Variants in RMDN2 observed in about 807,000 individuals in gnomAD.
RMDN2 encodes regulator of microtubule dynamics protein 2.
In RMDN2, 61 loss-of-function variants were observed where a neutral mutation model predicts 52.8. That is an observed-to-expected ratio of 1.16 (90% confidence interval 0.94 to 1.43). The LOEUF (loss-of-function observed/expected upper bound fraction) is 1.43, where lower values mean the gene tolerates loss of function less well. RMDN2 is among the 40% of genes most tolerant of loss of function. The pLI is 0.00. For synonymous variants in RMDN2, 180 were observed against 153.1 expected (o/e 1.18, Z -1.30); for missense variants, 592 against 475.3 (o/e 1.25, Z -2.28).
chr2:37,975,744 A>C (rs1008412779), intron 4 of RMDN2, among the ~76,000 whole-genome samples: 6 of 152,250 alleles, frequency 3.9e-5, no homozygotes, highest in Non-Finnish European at 7.3e-5. Context: ...TGTTAACTAA[A>C]GCTAAATTAT....
intron 2 of RMDN2, among the ~76,000 whole-genome samples, chr2:37,948,022 T>C (rs1572743837): frequency 6.6e-6 from 1 of 152,166 alleles, no homozygotes; most frequent in Non-Finnish European, 1.5e-5. Flanking sequence ...TGCTGTGAGG[T>C]ACCTCAGAAG....
At chr2:38,030,060 G>A (rs336040) in intron 10 of RMDN2, 103,883 of 152,004 alleles carry the variant, frequency 0.68, 37,185 homozygotes, top group African/African-American at 0.91. Flanking sequence ...CTCCCACCAG[G>A]TCCCTCCCAC....
intron 10 of RMDN2, among the ~76,000 whole-genome samples, chr2:38,028,756 A>T (rs946616126): frequency 1.3e-5 from 2 of 152,132 alleles, no homozygotes; most frequent in Admixed American, 1.3e-4. Context: ...GGGTCCCAGT[A>T]AGAGCCTTAG....
chr2:38,030,494 A>T (rs945919761), intron 10 of RMDN2: 1 of 152,228 alleles, frequency 6.6e-6, no homozygotes, highest in Non-Finnish European at 1.5e-5. Context: ...GAATTGGAAA[A>T]GTAAAAGATG....
intron 10 of RMDN2, among the ~76,000 whole-genome samples, chr2:38,041,574 T>C (rs1389739681): frequency 6.6e-6 from 1 of 152,018 alleles, no homozygotes; most frequent in Non-Finnish European, 1.5e-5. Flanking sequence ...ATGTTAACTG[T>C]CGGCCTTTTG....
chr2:37,951,407 A>G, intron 2 of RMDN2: 1 of 1,612,716 alleles, frequency 6.2e-7, no homozygotes, highest in Non-Finnish European at 8.5e-7. Flanking sequence ...GTAGAAGGTT[A>G]TTATCTGTAT....
intron 10 of RMDN2, among the ~76,000 whole-genome samples, chr2:38,054,159 T>C (rs1306167835): frequency 6.6e-6 from 1 of 152,232 alleles, no homozygotes; most frequent in Non-Finnish European, 1.5e-5. Flanking sequence ...AGTTGAATTC[T>C]GTTTATCTAG....
chr2:38,013,935 C>T (rs981820267), intron 10 of RMDN2, among the ~76,000 whole-genome samples: 2 of 152,122 alleles, frequency 1.3e-5, no homozygotes, highest in African/African-American at 4.8e-5. Flanking sequence ...AGCCGGGCGT[C>T]GTGGCTCACG....
At chr2:38,027,451 C>G (rs1679860381) in intron 10 of RMDN2, 1 of 152,040 alleles carries the variant, frequency 6.6e-6, no homozygotes, top group African/African-American at 2.4e-5. Flanking sequence ...AAATCTGCTC[C>G]TCACCACACT....
intron 10 of RMDN2, among the ~76,000 whole-genome samples, chr2:38,010,400 C>G (rs111496036): frequency 0.079 from 12,076 of 152,258 alleles, 547 homozygotes; most frequent in African/African-American, 0.1. Flanking sequence ...CTACTCAAGC[C>G]TCGGCAATGG....
chr2:38,015,786 T>C (rs1364326021), intron 10 of RMDN2, among the ~76,000 whole-genome samples: 1 of 152,104 alleles, frequency 6.6e-6, no homozygotes, highest in Non-Finnish European at 1.5e-5. Flanking sequence ...TCTAACAACA[T>C]GTCAATACTG....
chr2:38,056,184 C>T (rs1310298946), intron 10 of RMDN2, among the ~76,000 whole-genome samples: 1 of 152,170 alleles, frequency 6.6e-6, no homozygotes, highest in Non-Finnish European at 1.5e-5. Flanking sequence ...CCTTTCATCA[C>T]GGAGGGCGTT....
At chr2:37,982,917 C>G (rs1379459072) in intron 5 of RMDN2, among the ~76,000 whole-genome samples, 3 of 152,050 alleles carry the variant, frequency 2.0e-5, no homozygotes, top group African/African-American at 2.4e-5. Flanking sequence ...AAGCCCTACT[C>G]TCTCTCTTCA....
chr2:38,013,925 A>T (rs1012363981), intron 10 of RMDN2, among the ~76,000 whole-genome samples: 2 of 152,228 alleles, frequency 1.3e-5, no homozygotes, highest in African/African-American at 4.8e-5. Flanking sequence ...TTAATAAGGC[A>T]GCCGGGCGTC....
At position 38,017,202 on chromosome 2, in the gene RMDN2, AAG is replaced by A; in HGVS notation, c.1200_1201del (p.Glu400AspfsTer28). 2 of 1,532,766 alleles carry A rather than the reference AAG, an allele frequency of 1.3e-6. No individual in the cohort carries two copies. Among genetic ancestry groups the A allele is most frequent in the Non-Finnish European group, 1.8e-6 (2 of 1,136,784 alleles). The allele number at this position is 1,532,766 out of a possible 1,614,324, so 94.9% of individuals were successfully genotyped here. ...TCTTTATAGGATAAAGAGGCACAGA[AAG>A]AGATGCAAAAAATAATGACTTCCTT... is the stretch of plus-strand genomic sequence containing the variant. On this transcript the variant is annotated frameshift_variant, in exon 11 of 11. Transcript: ENST00000354545. LOFTEE classifies it high-confidence loss of function.
intron 2 of RMDN2, among the ~76,000 whole-genome samples, chr2:37,960,118 G>T (rs773971837): frequency 3.0e-4 from 45 of 152,162 alleles, no homozygotes; most frequent in Non-Finnish European, 5.7e-4. Context: ...TGTATATTCT[G>T]TTGATTTGGG....
intron 5 of RMDN2, among the ~76,000 whole-genome samples, chr2:37,982,312 C>G (rs553578042): frequency 4.2e-4 from 64 of 152,182 alleles, no homozygotes; most frequent in Non-Finnish European, 6.8e-4. Flanking sequence ...CAAACTCTCA[C>G]TTAAAATTCC....
intron 2 of RMDN2, among the ~76,000 whole-genome samples, chr2:37,936,567 A>G (rs997907024): frequency 6.6e-6 from 1 of 152,124 alleles, no homozygotes; most frequent in Non-Finnish European, 1.5e-5. Context: ...GTTTCCTGAC[A>G]TTTTAATGAT....
chr2:37,936,665 A>T (rs1334688306), intron 2 of RMDN2, among the ~76,000 whole-genome samples: 3 of 152,038 alleles, frequency 2.0e-5, no homozygotes, highest in African/African-American at 2.4e-5. Flanking sequence ...TTTTTTTCTT[A>T]TATTTGTTGG....
Sources: allele counts gnomAD v4.1 joint callset (sites outside exome capture counted in the v4.1 genomes callset), GRCh38; gene constraint gnomAD v4.1.1; transcripts MANE v1.5; gene names NCBI Gene and HGNC (gene_info 2026-07-23, HGNC 2026-07-21).